OPRM1: variants seen among roughly 807,000 people sequenced by gnomAD.
OPRM1 encodes the protein opioid receptor mu 1, also known as mu-type opioid receptor.
Under a neutral mutation model 31.8 loss-of-function variants are expected in OPRM1, and 27 were observed. The ratio of observed to expected loss-of-function variants is 0.85; its 90% CI spans 0.63 to 1.17. OPRM1 has a LOEUF of 1.17. Among genes scored for constraint, OPRM1 ranks in the 50% most tolerant of loss-of-function variants. The pLI, the probability that OPRM1 is intolerant of heterozygous loss-of-function variation, is 0.00. For synonymous variants in OPRM1, 196 were observed against 189.9 expected, an observed-to-expected ratio of 1.03 and a Z score of -0.26; for missense variants, 536 against 511.1, an observed-to-expected ratio of 1.05 and a Z score of -0.47.
At chr6:154,036,156 G>A (rs1779286303), upstream of OPRM1, among the ~76,000 whole-genome samples, 1 of 151,958 alleles carries the variant, frequency 6.6e-6, no homozygotes, top group Admixed American at 6.5e-5. Flanking sequence ...AAATTGAGGT[G>A]CTTTTATACT....
chr6:154,052,469 A>T (rs1411374721), intron 1 of OPRM1, among the ~76,000 whole-genome samples: 2 of 152,266 alleles, frequency 1.3e-5, no homozygotes, highest in African/African-American at 2.4e-5. Context: ...AATGGATATG[A>T]CTGCATTTCA....
Position 154,127,785 on chromosome 6 carries a change from C to T in OPRM1, c.*9064C>T, listed in dbSNP as rs75296158. Among the ~76,000 whole-genome samples the T allele has an allele frequency of 5.2e-4, 79 of 152,234 alleles. No individual in the cohort carries two copies. The highest frequency in any genetic ancestry group is 1.0e-3 in the Non-Finnish European group (69 of 68,044). Reference sequence around the variant, plus strand: ...GCAAACCTGATTCCTAATGCCTGTTCCTGCCTCTGCAGGGGTTCATTCAGA... The same window carrying T: ...GCAAACCTGATTCCTAATGCCTGTTTCTGCCTCTGCAGGGGTTCATTCAGA... On this transcript the variant is annotated 3_prime_UTR_variant, in exon 4 of 4. Coordinates refer to ENST00000330432, the MANE Select transcript of OPRM1 (RefSeq NM_000914.5).
At chr6:154,087,246 C>T in intron 1 of OPRM1, 4 of 985,392 alleles carry the variant, frequency 4.1e-6, no homozygotes, top group Non-Finnish European at 3.6e-6. Context: ...CAAAGCTGTC[C>T]TATTGACCCT....
intron 3 of OPRM1, chr6:154,107,916 A>G: frequency 1.5e-6 from 1 of 660,100 alleles, no homozygotes; most frequent in Non-Finnish European, 2.7e-6. Flanking sequence ...TATTTTTCAC[A>G]TTAATCAAAA....
intron 1 of OPRM1, among the ~76,000 whole-genome samples, chr6:154,052,253 T>C (rs754995749): frequency 1.3e-4 from 19 of 151,800 alleles, no homozygotes; most frequent in Admixed American, 3.3e-4. Context: ...TAGATGACAA[T>C]TGATAGGTGC....
At chr6:154,060,643 G>A in intron 1 of OPRM1, among the ~76,000 whole-genome samples, 1 of 152,264 alleles carries the variant, frequency 6.6e-6, no homozygotes, top group East Asian at 1.9e-4. Context: ...ACTGAGAGAA[G>A]AATTCTTAGT....
intron 1 of OPRM1, among the ~76,000 whole-genome samples, chr6:154,048,312 A>T (rs1263455936): frequency 6.6e-6 from 1 of 152,078 alleles, no homozygotes; most frequent in Non-Finnish European, 1.5e-5. Flanking sequence ...GTTTTCCTGT[A>T]ACGTATCTCT....
intron 3 of OPRM1, among the ~76,000 whole-genome samples, chr6:154,175,013 G>A (rs917024468): frequency 2.6e-5 from 4 of 152,194 alleles, no homozygotes; most frequent in African/African-American, 7.2e-5. Flanking sequence ...TCAGGATTAA[G>A]AAACTCACTC....
In OPRM1 at chr6:154,131,757, T is replaced by C. The variant is rs147872397; in HGVS notation, c.*13036T>C. 1.3e-3 allele frequency among the ~76,000 whole-genome samples: 204 copies of C among 152,266 alleles called. 1 individual carries two copies. Among genetic ancestry groups the C allele is most frequent in the African/African-American group, 4.7e-3 (196 of 41,544 alleles). On this transcript the variant is annotated 3_prime_UTR_variant, in exon 4 of 4. Coordinates refer to ENST00000330432, the MANE Select transcript of OPRM1 (RefSeq NM_000914.5). ...AACAGTGAGCACAACATGCTTTCTG[T>C]GTGTGTTTTTAAGCTCTTTCCCCAC...
chr6:154,030,315 G>A (rs1778937233), intron 1 of OPRM1, among the ~76,000 whole-genome samples: 1 of 152,204 alleles, frequency 6.6e-6, no homozygotes. Flanking sequence ...GACAGGCATT[G>A]TGGGGACACT....
At chr6:154,063,396 T>C (rs9478501) in intron 1 of OPRM1, among the ~76,000 whole-genome samples, 21,021 of 151,974 alleles carry the variant, frequency 0.14, 1,576 homozygotes, top group Non-Finnish European at 0.17. Flanking sequence ...GCATTAACTT[T>C]ATTAAATTAT....
Position 154,150,084 on chromosome 6 carries a change from C to A in OPRM1, c.1164+58612C>A, listed in dbSNP as rs529086005. Among the ~76,000 whole-genome samples, 9 of 152,346 alleles carry A rather than the reference C, an allele frequency of 5.9e-5. No individual in the cohort carries two copies. The East Asian group carries it at 1.5e-3, about 26-fold the overall frequency. On this transcript the variant is annotated intron_variant, in intron 3 of 3. Transcript: ENST00000337049. ...AATTGTTTGAGTTTTTCCCCTACTT[C>A]TCTGGGCACTTGCGTCCCTTCCTCC...
chr6:154,152,919 T>A (rs867530267), intron 3 of OPRM1, among the ~76,000 whole-genome samples: 4,814 of 125,120 alleles, frequency 0.038, 241 homozygotes, highest in African/African-American at 0.13. Flanking sequence ...TTTTTTTTTT[T>A]AAAGAGACAG....
intron 3 of OPRM1, chr6:154,156,651 T>C (rs1798728160): frequency 6.6e-6 from 1 of 152,246 alleles, no homozygotes; most frequent in African/African-American, 2.4e-5. Flanking sequence ...TTTCTTACGC[T>C]TCCTGGAGTC....
At chr6:154,231,508 T>C (rs983929354) in intron 3 of OPRM1, among the ~76,000 whole-genome samples, 2 of 152,360 alleles carry the variant, frequency 1.3e-5, no homozygotes, top group African/African-American at 2.4e-5. Context: ...CAGGTGACAG[T>C]TGAATACACT....
chr6:154,216,849 C>G (rs1374598117), intron 3 of OPRM1: 1 of 152,480 alleles, frequency 6.6e-6, no homozygotes, highest in African/African-American at 2.4e-5. Context: ...GCCTGGGCGA[C>G]AGAGTGAGAC....
chr6:154,240,534 G>A lies in OPRM1; in HGVS notation c.1165-6159G>A, dbSNP rs544957991. ...TTTTTCTTGAGCTGAAAAAAAAAAA[G>A]GTACTCTATATTTACTGAAACTTGC... On this transcript the variant is annotated intron_variant, in intron 3 of 3. Transcript: ENST00000337049. 9.1e-4 allele frequency among the ~76,000 whole-genome samples: 132 copies of A among 144,982 alleles called. 1 individual carries two copies. In the South Asian group the frequency reaches 0.026, roughly 29 times the overall value.
chr6:154,238,625 T>G (rs1433964708), intron 3 of OPRM1, among the ~76,000 whole-genome samples: 1 of 152,182 alleles, frequency 6.6e-6, no homozygotes, highest in Non-Finnish European at 1.5e-5. Flanking sequence ...ATGTCTGTCT[T>G]CTTTTTTTAT....
chr6:154,190,143 T>A (rs1472353402), intron 3 of OPRM1, among the ~76,000 whole-genome samples: 4 of 152,134 alleles, frequency 2.6e-5, no homozygotes, highest in Admixed American at 2.6e-4. Flanking sequence ...ACTCACAAAA[T>A]ATAAGACTGT....
Sources: allele counts gnomAD v4.1 joint callset (sites outside exome capture counted in the v4.1 genomes callset), GRCh38; gene constraint gnomAD v4.1.1; transcripts MANE v1.5; gene names NCBI Gene and HGNC (gene_info 2026-07-23, HGNC 2026-07-21).